Variants in PPIG observed in about 807,000 individuals in gnomAD.
The protein encoded by PPIG is peptidylprolyl isomerase G, also known as peptidyl-prolyl cis-trans isomerase G.
In PPIG, 26 loss-of-function variants were observed where a neutral mutation model predicts 87.9. The observed-to-expected ratio is 0.30, with a 90% CI of 0.22 to 0.41. The LOEUF (loss-of-function observed/expected upper bound fraction) is 0.41. Among genes scored for constraint, PPIG ranks in the 10% least tolerant of loss-of-function variants. The pLI is 1.00. For synonymous variants in PPIG, 308 were observed against 276.5 expected (o/e 1.11, Z -1.13); for missense variants, 722 against 879.4 (o/e 0.82, Z 2.26).
At chr2:169,626,254 C>A (rs549206064) in intron 9 of PPIG, among the ~76,000 whole-genome samples, 1 of 152,236 alleles carries the variant, frequency 6.6e-6, no homozygotes, top group East Asian at 1.9e-4. Context: ...ATTGTGATAT[C>A]TCCCAATTTT....
chr2:169,615,530 C>T (rs1239227485), intron 9 of PPIG, among the ~76,000 whole-genome samples: 3 of 152,186 alleles, frequency 2.0e-5, no homozygotes, highest in South Asian at 2.1e-4. Context: ...GTGACTTCAA[C>T]GTTTTTAGAT....
intron 9 of PPIG, among the ~76,000 whole-genome samples, chr2:169,617,409 T>C (rs1685633750): frequency 6.6e-6 from 1 of 152,232 alleles, no homozygotes; most frequent in Non-Finnish European, 1.5e-5. Flanking sequence ...AAGTCAGTTG[T>C]AGCTTGATGG....
intron 9 of PPIG, among the ~76,000 whole-genome samples, chr2:169,618,686 G>A (rs140652476): frequency 1.3e-5 from 2 of 152,130 alleles, no homozygotes; most frequent in Admixed American, 6.5e-5. Flanking sequence ...ATTTCTATGG[G>A]ATCAGTGGTG....
In PPIG at chr2:169,623,929, C is replaced by T. The variant is rs1464771473; in HGVS notation, c.548-6845C>T. Among the ~76,000 whole-genome samples, 6 of 152,078 alleles carry T rather than the reference C, an allele frequency of 3.9e-5. No homozygotes were observed. The East Asian group carries it at 1.2e-3, about 29-fold the overall frequency. On this transcript the variant is annotated intron_variant, in intron 9 of 13. Transcript: ENST00000260970. The stretch of plus-strand genomic sequence containing the variant: ...TAAAAAACAAAGCAGCATTTTGTTA[C>T]CTTAGGTTTTTACAAATAAAATATT...
In PPIG at chr2:169,606,072, C is replaced by G; in HGVS notation, c.170C>G (p.Pro57Arg). 6.2e-7 allele frequency: 1 copy of G among 1,613,018 alleles called. No homozygotes were observed. The highest frequency in any genetic ancestry group is 8.5e-7 in the Non-Finnish European group (1 of 1,179,162). The change falls in exon 5 of 14, where the codon CCA (proline) becomes CGA (arginine). Residue 57 changes from proline (P) to arginine (R), a missense_variant. Physicochemically the swap from Pro to Arg is moderately radical, Grantham distance 103 (BLOSUM62 -2). Around this residue, in one of 4 missense-constraint regions of PPIG, gnomAD observed 99 missense variants for 215.8 expected, o/e 0.46. Transcript: ENST00000260970. The part of the protein sequence containing the change: ...EKGTGKSTQK[P>R]LHYKSCLFHR... ...GGGACCGGGAAATCAACTCAGAAACCATTACATTATAAGAGTTGTCTCTTT... is the reference window on the plus strand; with the variant it reads ...GGGACCGGGAAATCAACTCAGAAACGATTACATTATAAGAGTTGTCTCTTT...
rs996684539 is a variant in PPIG, at chr2:169,638,497, TTTTG to T, written c.*982_*985del. 6.6e-6 allele frequency: 1 copy of T among 151,956 alleles called. No homozygotes were observed. Among genetic ancestry groups the T allele is most frequent in the Admixed American group, 6.6e-5 (1 of 15,246 alleles). 9.4% of individuals were successfully genotyped at this position (151,956 alleles called of 1,614,324 possible). A position where few individuals can be genotyped will look rare whatever the true frequency, so the allele number is the denominator to read the frequency against. On this transcript the variant is annotated 3_prime_UTR_variant, in exon 14 of 14. Coordinates refer to ENST00000260970, the MANE Select transcript of PPIG (RefSeq NM_004792.3). ...GAATTGAGTGTTAACTCTGCATGGATTTTGTTTGTTTTAATTGAACTGACTTCTC... is the reference window on the plus strand; with the variant it reads ...GAATTGAGTGTTAACTCTGCATGGATTTTGTTTTAATTGAACTGACTTCTC...
chr2:169,601,234 A>G (rs982850202), intron 1 of PPIG, among the ~76,000 whole-genome samples: 5 of 152,062 alleles, frequency 3.3e-5, no homozygotes, highest in African/African-American at 1.2e-4. Context: ...GAGTGTTTCC[A>G]TTTTTTTGTT....
chr2:169,636,085 T>C lies in PPIG; in HGVS notation c.1018-7T>C, dbSNP rs200007847. On this transcript the variant is annotated splice_region_variant and splice_polypyrimidine_tract_variant and intron_variant, in intron 12 of 13. Transcript: ENST00000260970. ...CATTAATTTTTCCCTATTTTAATTTTCTTTAGCGTTATCGAACTCCTTCCA... is the reference window on the plus strand; with the variant it reads ...CATTAATTTTTCCCTATTTTAATTTCCTTTAGCGTTATCGAACTCCTTCCA... The C allele has an allele frequency of 7.9e-5, 125 of 1,588,048 alleles. No individual in the cohort carries two copies. The Middle Eastern group carries it at 1.5e-3, about 19-fold the overall frequency.
chr2:169,613,072 A>T (rs1190967984), intron 7 of PPIG, among the ~76,000 whole-genome samples: 1 of 152,208 alleles, frequency 6.6e-6, no homozygotes, highest in Non-Finnish European at 1.5e-5. Context: ...TAATTTTGGG[A>T]TTACAAATAA....
intron 1 of PPIG, among the ~76,000 whole-genome samples, chr2:169,593,858 T>C (rs966860644): frequency 2.0e-5 from 3 of 149,916 alleles, no homozygotes; most frequent in African/African-American, 4.9e-5. Flanking sequence ...GGTTTCACCA[T>C]GTTAGCCAGG....
intron 12 of PPIG, among the ~76,000 whole-genome samples, chr2:169,634,657 C>G (rs953265777): frequency 1.3e-5 from 2 of 152,176 alleles, no homozygotes; most frequent in African/African-American, 4.8e-5. Flanking sequence ...TCTCCCCTTT[C>G]AGTTTATACC....
chr2:169,605,947 A>G, intron 4 of PPIG, 92 bp from the exon 5 acceptor site: 3 of 799,808 alleles, frequency 3.8e-6, no homozygotes, highest in Non-Finnish European at 6.2e-6. Context: ...TTAAGTCTGC[A>G]GGGTTCAAGA....
At chr2:169,620,636 C>T (rs1333702160) in intron 9 of PPIG, among the ~76,000 whole-genome samples, 4 of 152,074 alleles carry the variant, frequency 2.6e-5, no homozygotes, top group Non-Finnish European at 5.9e-5. Context: ...TTTCTTTAAG[C>T]ACTACTTAGA....
chr2:169,627,164 T>C (rs1685910301), intron 9 of PPIG, among the ~76,000 whole-genome samples: 1 of 152,222 alleles, frequency 6.6e-6, no homozygotes, highest in African/African-American at 2.4e-5. Flanking sequence ...AGTGGTGCAA[T>C]CTTGGCTTAC....
At chr2:169,626,588 C>T (rs1249242293) in intron 9 of PPIG, among the ~76,000 whole-genome samples, 2 of 152,174 alleles carry the variant, frequency 1.3e-5, no homozygotes, top group Non-Finnish European at 2.9e-5. Flanking sequence ...GACGGGTTCA[C>T]CATGTGGGCC....
chr2:169,605,789 ACT>A (rs1369577654), intron 4 of PPIG, among the ~76,000 whole-genome samples: 2 of 152,022 alleles, frequency 1.3e-5, no homozygotes, highest in African/African-American at 4.8e-5. Flanking sequence ...ACAGAGCTAG[ACT>A]CTGTCTCAAA....
Position 169,637,086 on chromosome 2 carries a change from A to G in PPIG, c.1828A>G (p.Arg610Gly), listed in dbSNP as rs147400903. Residue 610 changes from arginine to glycine, a missense_variant, in exon 14 of 14, where the codon AGA (arginine) becomes GGA (glycine). Transcript: ENST00000260970. ...RRGRSRSRER[R>G]TPPGRSRSKD... ...AGGACGGTCACGAAGCCGAGAGAGA[A>G]GAACACCACCAGGAAGATCAAGAAG... 22 of 1,613,214 alleles carry G rather than the reference A, an allele frequency of 1.4e-5. No individual in the cohort carries two copies. Among genetic ancestry groups the G allele is most frequent in the Middle Eastern group, 3.3e-4 (2 of 6,082 alleles).
chr2:169,584,618 C>T (rs1168680664), intron 1 of PPIG, 128 bp downstream of exon 1: 2 of 427,522 alleles, frequency 4.7e-6, no homozygotes, highest in Admixed American at 6.7e-5. Flanking sequence ...ACCGTCTTTC[C>T]CTCGAGGTAT....
chr2:169,639,611 T>A lies in PPIG; in HGVS notation c.*2088T>A, dbSNP rs1686267035. 1.3e-5 allele frequency: 2 copies of A among 152,156 alleles called. No individual in the cohort carries two copies. The highest frequency in any genetic ancestry group is 4.1e-4 in the South Asian group (2 of 4,838). The allele number at this position is 152,156 out of a possible 1,614,324, so 9.4% of individuals were successfully genotyped here. A position where few individuals can be genotyped will look rare whatever the true frequency, so the allele number is the denominator to read the frequency against. On this transcript the variant is annotated 3_prime_UTR_variant, in exon 14 of 14. Transcript: ENST00000260970. Reference sequence around the variant, plus strand: ...AAAAGAGCAACTCCATGCTCCGCATTATTTATAGTCCTTATTTTAAAGTTT... The same window carrying A: ...AAAAGAGCAACTCCATGCTCCGCATAATTTATAGTCCTTATTTTAAAGTTT...
Sources: allele counts gnomAD v4.1 joint callset (sites outside exome capture counted in the v4.1 genomes callset), GRCh38; gene constraint gnomAD v4.1.1; regional missense constraint gnomAD v4.1.1; transcripts MANE v1.5; gene names NCBI Gene and HGNC (gene_info 2026-07-23, HGNC 2026-07-21).